Variants in GABRG2 observed in about 807,000 individuals in gnomAD.
The protein encoded by GABRG2 is gamma-aminobutyric acid receptor subunit gamma-2.
In GABRG2, 16 loss-of-function variants were observed where a neutral mutation model predicts 56.4. The ratio of observed to expected loss-of-function variants is 0.28; its 90% confidence interval spans 0.19 to 0.43. GABRG2 has a LOEUF of 0.43. Among genes scored for constraint, GABRG2 ranks in the 20% least tolerant of loss-of-function variants. The pLI is 1.00. For synonymous variants in GABRG2, 208 were observed against 205.5 expected, an observed-to-expected ratio of 1.01 and a Z score of -0.10; for missense variants, 327 against 582.7, an observed-to-expected ratio of 0.56 and a Z score of 4.52.
chr5:162,130,273 AC>A (rs1386880637), intron 6 of GABRG2, among the ~76,000 whole-genome samples: 3 of 151,938 alleles, frequency 2.0e-5, no homozygotes, highest in East Asian at 1.9e-4. Flanking sequence ...AAGTTTTTAA[AC>A]CTATAATTTT....
intron 4 of GABRG2, chr5:162,099,054 T>C (rs1216926444): frequency 6.6e-6 from 1 of 152,094 alleles, no homozygotes; most frequent in Non-Finnish European, 1.5e-5. Context: ...AAAATAAGAA[T>C]AATGCAATTC....
intron 6 of GABRG2, among the ~76,000 whole-genome samples, chr5:162,120,588 T>C (rs1762917273): frequency 6.6e-6 from 1 of 152,080 alleles, no homozygotes; most frequent in Non-Finnish European, 1.5e-5. Flanking sequence ...CATCAGATAA[T>C]AGAGACGGCA....
intron 3 of GABRG2, 138 bp downstream of exon 3, chr5:162,095,700 C>T: frequency 1.5e-6 from 1 of 653,748 alleles, no homozygotes. Flanking sequence ...TCTTCCAGAT[C>T]CTTTTTTTCT....
intron 7 of GABRG2, among the ~76,000 whole-genome samples, chr5:162,145,797 A>G (rs1057129803): frequency 2.0e-5 from 3 of 152,224 alleles, no homozygotes; most frequent in Non-Finnish European, 4.4e-5. Flanking sequence ...AGGGTCAAGT[A>G]TAGCCTCAGG....
intron 9 of GABRG2, 198 bp from the exon 10 acceptor site, chr5:162,152,895 G>A (rs1765474433): frequency 4.5e-6 from 3 of 664,290 alleles, no homozygotes; most frequent in South Asian, 3.6e-5. Context: ...CAGCTGCACT[G>A]CTTAAGCTCA....
intron 1 of GABRG2, 37 bp from the exon 2 acceptor site, chr5:162,093,791 A>G (rs767956404): frequency 6.3e-7 from 1 of 1,595,466 alleles, no homozygotes; most frequent in African/African-American, 1.3e-5. Flanking sequence ...ACTTGTGTGT[A>G]ATCTATGTGT....
At chr5:162,090,003 A>G (rs947472254) in intron 1 of GABRG2, among the ~76,000 whole-genome samples, 12 of 152,172 alleles carry the variant, frequency 7.9e-5, no homozygotes, top group Non-Finnish European at 1.3e-4. Flanking sequence ...GCAACCTCTC[A>G]TTGAACAGTC....
At chr5:162,097,236 T>C (rs1761063105) in intron 3 of GABRG2, among the ~76,000 whole-genome samples, 1 of 152,274 alleles carries the variant, frequency 6.6e-6, no homozygotes, top group South Asian at 2.1e-4. Context: ...GGATTGAGTA[T>C]GGGTTTGGGG....
chr5:162,093,735 C>G (rs1045416026), intron 1 of GABRG2, 93 bp from the exon 2 acceptor site: 1 of 1,191,160 alleles, frequency 8.4e-7, no homozygotes, highest in Non-Finnish European at 1.2e-6. Context: ...TTCTTTTATC[C>G]TGTTTTATTT....
chr5:162,078,407 T>A (rs1317167224), intron 1 of GABRG2, among the ~76,000 whole-genome samples: 8 of 105,762 alleles, frequency 7.6e-5, no homozygotes, highest in South Asian at 3.7e-4. Flanking sequence ...ATTTTTTTTT[T>A]TTTTTTTTTT....
In GABRG2 at chr5:162,101,168, A is replaced by G. The variant is rs983036380; in HGVS notation, c.549-67A>G. On this transcript the variant is annotated intron_variant, in intron 4 of 9. Transcript: ENST00000639213. Reference sequence around the variant, plus strand: ...TTCTCTAGAAAAACAATCATTTAAAATTGTGCAAATTTACAATTTAAAATT... The same window carrying G: ...TTCTCTAGAAAAACAATCATTTAAAGTTGTGCAAATTTACAATTTAAAATT... 16 of 1,053,692 alleles carry G rather than the reference A, an allele frequency of 1.5e-5. No homozygotes were observed. The African/African-American group carries it at 2.4e-4, about 16-fold the overall frequency. The allele number at this position is 1,053,692 out of a possible 1,614,324, so 65.3% of individuals were successfully genotyped here.
chr5:162,090,038 A>G (rs1472743267), intron 1 of GABRG2, among the ~76,000 whole-genome samples: 1 of 152,162 alleles, frequency 6.6e-6, no homozygotes, highest in African/African-American at 2.4e-5. Context: ...GTTGTGTTTT[A>G]TAAGCCACTT....
intron 6 of GABRG2, among the ~76,000 whole-genome samples, chr5:162,124,774 C>T (rs550672297): frequency 9.9e-5 from 15 of 151,822 alleles, no homozygotes; most frequent in African/African-American, 3.6e-4. Context: ...GCTAGAGATC[C>T]AGTCCTTTAT....
At chr5:162,073,594 G>C (rs904523587) in intron 1 of GABRG2, among the ~76,000 whole-genome samples, 3 of 151,804 alleles carry the variant, frequency 2.0e-5, no homozygotes, top group Admixed American at 1.3e-4. Context: ...TTCATATTTG[G>C]ATATGTATAG....
chr5:162,151,570 C>A (rs1765372821), intron 8 of GABRG2, 160 bp from the exon 9 acceptor site: 1 of 627,060 alleles, frequency 1.6e-6, no homozygotes, highest in Non-Finnish European at 2.7e-6. Flanking sequence ...TTATCCCAAG[C>A]TCAGAACTCT....
Position 162,153,093 on chromosome 5 carries a change from G to A in GABRG2, c.1153G>A (p.Ala385Thr). The A allele has an allele frequency of 6.2e-7, 1 of 1,613,840 alleles. No individual in the cohort carries two copies. Among genetic ancestry groups the A allele is most frequent in the Non-Finnish European group, 8.5e-7 (1 of 1,179,904 alleles). ...NPLLRMFSFK[A>T]PTIDIRPRSA... ...CTCTCCTTCCCTACCCTCGTCCCAGGCCCCTACCATTGATATCCGCCCAAG... is the reference window on the plus strand; with the variant it reads ...CTCTCCTTCCCTACCCTCGTCCCAGACCCCTACCATTGATATCCGCCCAAG... Residue 385 changes from alanine to threonine, a missense_variant and splice_region_variant, in exon 10 of 10, where the codon GCC becomes ACC. This residue lies in a region of GABRG2 where 108 missense variants were observed against 144.2 expected (regional missense o/e 0.75). Coordinates refer to ENST00000639213, the MANE Select transcript of GABRG2 (RefSeq NM_198904.4).
chr5:162,106,010 A>G (rs1433490626), intron 6 of GABRG2, among the ~76,000 whole-genome samples: 3 of 152,140 alleles, frequency 2.0e-5, no homozygotes, highest in Admixed American at 2.0e-4. Context: ...CAAGAGTGGT[A>G]TGAAGAACTA....
chr5:162,141,446 A>G (rs1764559645), intron 6 of GABRG2, among the ~76,000 whole-genome samples: 2 of 152,202 alleles, frequency 1.3e-5, no homozygotes, highest in Non-Finnish European at 2.9e-5. Flanking sequence ...TTACTTGACA[A>G]ATGTTACTGA....
intron 6 of GABRG2, among the ~76,000 whole-genome samples, chr5:162,116,165 C>G (rs1762610995): frequency 1.3e-5 from 2 of 150,154 alleles, no homozygotes; most frequent in South Asian, 4.2e-4. Flanking sequence ...AAGGATTACT[C>G]TTGGCCCTAT....
Sources: gnomAD v4.1 joint callset for allele counts (sites outside exome capture counted in the v4.1 genomes callset) on GRCh38, gnomAD v4.1.1 for gene constraint, gnomAD v4.1.1 regional missense constraint, MANE v1.5 for transcripts, NCBI Gene and HGNC (gene_info 2026-07-23, HGNC 2026-07-21) for gene names.